PIWIL2: variants seen among roughly 807,000 people sequenced by gnomAD.
PIWIL2 encodes the protein piwi like RNA-mediated gene silencing 2, also known as piwi-like protein 2.
A neutral mutation model predicts 116.5 loss-of-function variants in PIWIL2; 81 were observed. The ratio of observed to expected loss-of-function variants is 0.70; its 90% CI spans 0.58 to 0.84. The LOEUF is 0.84. PIWIL2 is among the 40% of genes least tolerant of loss of function. The probability of loss-of-function intolerance (pLI) is 0.00; values close to 1 mark genes in which losing one functional copy is unlikely to be tolerated. For missense variants in PIWIL2, 1,272 were observed against 1,212.3 expected (o/e 1.05, Z -0.73); for synonymous variants, 489 against 429.5 (o/e 1.14, Z -1.71).
intron 2 of PIWIL2, 148 bp from the exon 3 acceptor site, chr8:22,280,972 A>AT: frequency 1.8e-6 from 1 of 554,700 alleles, no homozygotes; most frequent in East Asian, 3.1e-5. Context: ...AGTTACAGGT[A>AT]TTTTTTAAAG....
intron 20 of PIWIL2, among the ~76,000 whole-genome samples, chr8:22,331,901 C>G (rs555430143): frequency 7.2e-5 from 11 of 152,056 alleles, no homozygotes; most frequent in African/African-American, 2.7e-4. Context: ...CAGTCACATT[C>G]TGAGGTACTG....
chr8:22,299,079 C>T (rs1274340482), intron 10 of PIWIL2, among the ~76,000 whole-genome samples: 1 of 151,926 alleles, frequency 6.6e-6, no homozygotes, highest in Non-Finnish European at 1.5e-5. Context: ...TTATTTTATT[C>T]TCAGGAGTAT....
chr8:22,293,687 T>G (rs557372701), intron 10 of PIWIL2, among the ~76,000 whole-genome samples: 1 of 152,250 alleles, frequency 6.6e-6, no homozygotes, highest in Non-Finnish European at 1.5e-5. Context: ...ATCATGGTTG[T>G]CTCTGTACTA....
chr8:22,334,592 T>TATTTTTAGTAGAGACGGGGTTTCTCC (rs1831937515), intron 20 of PIWIL2, among the ~76,000 whole-genome samples: 1 of 152,024 alleles, frequency 6.6e-6, no homozygotes, highest in African/African-American at 2.4e-5. Flanking sequence ...AATACTAATG[T>TATTTTTAGTAGAGACGGGGTTTCTCC]ATTTTTAGTA....
At chr8:22,326,790 C>G (rs1049902664) in intron 20 of PIWIL2, among the ~76,000 whole-genome samples, 1 of 152,062 alleles carries the variant, frequency 6.6e-6, no homozygotes, top group Non-Finnish European at 1.5e-5. Flanking sequence ...GTGAATAATG[C>G]TGCTGTAAAC....
intron 20 of PIWIL2, 129 bp downstream of exon 20, chr8:22,318,404 G>A (rs1831517929): frequency 7.0e-6 from 4 of 567,822 alleles, no homozygotes; most frequent in East Asian, 6.0e-5. Flanking sequence ...TGCAACCTCT[G>A]CCTCCTGGGT....
rs34573190 is a variant in PIWIL2 at position 22,290,613 on chromosome 8, A to ATT, written c.1181+287_1181+288dup. ...TGCTACCATGCCCAGCCAATTTTTAATTTTTTTTTTTTTTTTTTTTTGTAG... is the reference window on the plus strand; with the variant it reads ...TGCTACCATGCCCAGCCAATTTTTAATTTTTTTTTTTTTTTTTTTTTTTGTAG... On this transcript the variant is annotated intron_variant, in intron 10 of 22. Transcript: ENST00000356766. 3.9e-3 allele frequency among the ~76,000 whole-genome samples: 450 copies of ATT among 114,116 alleles called. 6 individuals carry two copies. Among genetic ancestry groups the ATT allele is most frequent in the East Asian group, 0.013 (52 of 3,892 alleles). The allele number at this position is 114,116 out of a possible 152,430, so 74.9% of individuals were successfully genotyped here. A position where few individuals can be genotyped will look rare whatever the true frequency, so the allele number is the denominator to read the frequency against.
Position 22,290,330 on chromosome 8 carries a change from T to C in PIWIL2, c.1165T>C (p.Cys389Arg). ...DVSHKVIRND[C>R]VLDVMHAIYQ... ...CTCCCATAAGGTCATTCGGAATGACTGTGTGCTGGATGTCATGTGAGTGAA... is the reference window on the plus strand; with the variant it reads ...CTCCCATAAGGTCATTCGGAATGACCGTGTGCTGGATGTCATGTGAGTGAA... Residue 389 changes from cysteine (C) to arginine (R), a missense_variant, in exon 10 of 23, where the codon TGT becomes CGT. Physicochemically the swap from Cys to Arg is radical, Grantham distance 180 (BLOSUM62 -3). Transcript: ENST00000356766. 1 of 1,602,256 alleles carries C rather than the reference T, an allele frequency of 6.2e-7. No individual in the cohort carries two copies. Among genetic ancestry groups the C allele is most frequent in the Non-Finnish European group, 8.6e-7 (1 of 1,169,504 alleles).
At chr8:22,322,896 C>G (rs973328178) in intron 20 of PIWIL2, among the ~76,000 whole-genome samples, 29 of 152,230 alleles carry the variant, frequency 1.9e-4, no homozygotes, top group African/African-American at 7.0e-4. Context: ...ATCTCAAGAG[C>G]CAGACACCTT....
intron 3 of PIWIL2, 67 bp downstream of exon 3, chr8:22,281,274 G>T: frequency 1.3e-6 from 2 of 1,547,042 alleles, no homozygotes; most frequent in Non-Finnish European, 1.8e-6. Flanking sequence ...AATCCAAATG[G>T]TTTATTTTCA....
At chr8:22,353,792 T>TTTTTTTTTTTTTG (rs1832428412) in intron 21 of PIWIL2, among the ~76,000 whole-genome samples, 7 of 135,740 alleles carry the variant, frequency 5.2e-5, no homozygotes, top group Admixed American at 1.5e-4. Flanking sequence ...TTTTTTTTTT[T>TTTTTTTTTTTTTG]GAGGCAGGGT....
intron 8 of PIWIL2, among the ~76,000 whole-genome samples, 165 bp downstream of exon 8, chr8:22,288,831 A>G (rs1830691273): frequency 6.6e-6 from 1 of 152,246 alleles, no homozygotes; most frequent in African/African-American, 2.4e-5. Flanking sequence ...CTCAAAAATT[A>G]TCTCACAAGT....
intron 1 of PIWIL2, among the ~76,000 whole-genome samples, chr8:22,276,341 A>T (rs1424537418): frequency 6.6e-6 from 1 of 152,194 alleles, no homozygotes; most frequent in Non-Finnish European, 1.5e-5. Context: ...TTTGAGACGG[A>T]GTCTCGCTCC....
chr8:22,293,695 C>T (rs1372559676), intron 10 of PIWIL2, among the ~76,000 whole-genome samples: 1 of 152,192 alleles, frequency 6.6e-6, no homozygotes, highest in Non-Finnish European at 1.5e-5. Context: ...TGTCTCTGTA[C>T]TATTATACAA....
chr8:22,277,726 C>T (rs1830409933), intron 1 of PIWIL2, among the ~76,000 whole-genome samples: 2 of 152,014 alleles, frequency 1.3e-5, no homozygotes, highest in South Asian at 4.2e-4. Flanking sequence ...TTCGGAGAAG[C>T]AGCTAAACAG....
chr8:22,353,323 G>A (rs1428271370), intron 21 of PIWIL2, 111 bp downstream of exon 21: 2 of 930,112 alleles, frequency 2.2e-6, no homozygotes, highest in South Asian at 3.4e-5. Context: ...TAGAATCTCA[G>A]AGAGGCTACC....
chr8:22,294,887 C>G (rs1830856241), intron 10 of PIWIL2, among the ~76,000 whole-genome samples: 1 of 119,152 alleles, frequency 8.4e-6, no homozygotes, highest in African/African-American at 3.0e-5. Flanking sequence ...ATGGTGAAAT[C>G]CCATCTTTAC....
intron 14 of PIWIL2, among the ~76,000 whole-genome samples, chr8:22,309,044 C>T (rs1831259150): frequency 6.6e-6 from 1 of 151,970 alleles, no homozygotes; most frequent in Admixed American, 6.6e-5. Flanking sequence ...TCACTGCAAC[C>T]TCCACCTCCC....
At position 22,348,155 on chromosome 8, in the gene PIWIL2, G is replaced by A. The variant is rs141169096; in HGVS notation, c.2404-4804G>A. 3.6e-4 allele frequency among the ~76,000 whole-genome samples: 55 copies of A among 152,040 alleles called. No homozygotes were observed. In the East Asian group the frequency reaches 0.011, roughly 30 times the overall value. Reference sequence around the variant, plus strand: ...ATCTCTACTAAAAATACAAAAATTAGCCGGGCATGATGGCGGGTGTCTGTA... The same window carrying A: ...ATCTCTACTAAAAATACAAAAATTAACCGGGCATGATGGCGGGTGTCTGTA... On this transcript the variant is annotated intron_variant, in intron 20 of 22. Transcript: ENST00000356766.
Sources: allele counts gnomAD v4.1 joint callset (sites outside exome capture counted in the v4.1 genomes callset), GRCh38; gene constraint gnomAD v4.1.1; transcripts MANE v1.5; gene names NCBI Gene and HGNC (gene_info 2026-07-23, HGNC 2026-07-21).